The following EYS variants were observed in gnomAD, a reference collection of about 807,000 sequenced individuals.
The protein encoded by EYS is EGF-like photoreceptor maintenance factor.
In EYS, 250 loss-of-function variants were observed where a neutral mutation model predicts 282.1. The observed-to-expected ratio is 0.89, with a 90% CI of 0.80 to 0.98. The LOEUF (loss-of-function observed/expected upper bound fraction) is 0.98. Ranked by LOEUF, EYS falls within the 50% of genes least tolerant of loss-of-function variation. The pLI is 0.00. For synonymous variants in EYS, 1,355 were observed against 1,282.9 expected (o/e 1.06, Z -1.20); for missense variants, 4,016 against 3,709.0 (o/e 1.08, Z -2.15).
At chr6:65,481,767 T>C (rs1765614709) in intron 5 of EYS, among the ~76,000 whole-genome samples, 1 of 152,192 alleles carries the variant, frequency 6.6e-6, no homozygotes, top group African/African-American at 2.4e-5. Flanking sequence ...AGATGGGATT[T>C]CACTGTGTTA....
chr6:65,670,463 A>T (rs1401756937), intron 1 of EYS, among the ~76,000 whole-genome samples: 1 of 152,064 alleles, frequency 6.6e-6, no homozygotes, highest in Non-Finnish European at 1.5e-5. Flanking sequence ...ATATCATATT[A>T]AACTCTGTGT....
chr6:64,731,401 A>G (rs956342477), intron 22 of EYS, among the ~76,000 whole-genome samples: 1 of 152,224 alleles, frequency 6.6e-6, no homozygotes, highest in African/African-American at 2.4e-5. Flanking sequence ...ATGGGAAAAC[A>G]TTTTTGCAAT....
Position 65,280,864 on chromosome 6 carries a change from A to AT in EYS, c.2023+14998_2023+14999insA, listed in dbSNP as rs200494378. Among the ~76,000 whole-genome samples, 690 of 132,556 alleles carry AT rather than the reference A, an allele frequency of 5.2e-3. 3 individuals are homozygous for AT. Among genetic ancestry groups the AT allele is most frequent in the East Asian group, 0.014 (67 of 4,954 alleles). 87.0% of individuals were successfully genotyped at this position (132,556 alleles called of 152,430 possible). ...GAAACCCCGTCTGTACTAAAAAAAA[A>AT]AATATATATATATATATATAAATCA... is the stretch of plus-strand genomic sequence containing the variant. On this transcript the variant is annotated intron_variant, in intron 12 of 42. Transcript: ENST00000503581.
chr6:64,375,785 A>C (rs1772542530), intron 29 of EYS, among the ~76,000 whole-genome samples: 1 of 152,224 alleles, frequency 6.6e-6, no homozygotes, highest in Non-Finnish European at 1.5e-5. Context: ...AAGGAGACAG[A>C]CAAAAGCAAA....
intron 11 of EYS, among the ~76,000 whole-genome samples, chr6:65,317,266 T>C (rs1338059609): frequency 6.6e-6 from 1 of 152,226 alleles, no homozygotes; most frequent in Non-Finnish European, 1.5e-5. Context: ...TTAAATCTAT[T>C]CACTGATTAC....
intron 33 of EYS, among the ~76,000 whole-genome samples, chr6:64,058,486 T>G (rs754867858): frequency 2.0e-5 from 3 of 152,154 alleles, no homozygotes; most frequent in Non-Finnish European, 4.4e-5. Flanking sequence ...TAAGGAGAGC[T>G]AGGGGGACTA....
intron 15 of EYS, among the ~76,000 whole-genome samples, chr6:64,921,216 T>A (rs1768337572): frequency 6.6e-6 from 1 of 152,166 alleles, no homozygotes; most frequent in African/African-American, 2.4e-5. Flanking sequence ...AAATGTAACA[T>A]AAATTCAGTT....
intron 35 of EYS, among the ~76,000 whole-genome samples, chr6:63,885,073 T>C (rs1773229860): frequency 6.6e-6 from 1 of 152,192 alleles, no homozygotes; most frequent in Admixed American, 6.5e-5. Context: ...GAAGTGCAGG[T>C]TCTAAATGGA....
intron 26 of EYS, among the ~76,000 whole-genome samples, chr6:64,524,438 T>C (rs1700517942): frequency 6.6e-6 from 1 of 151,876 alleles, no homozygotes; most frequent in South Asian, 2.1e-4. Flanking sequence ...CTATTTCCTC[T>C]GTAGATAGTT....
At chr6:64,813,131 A>G (rs910652996) in intron 22 of EYS, among the ~76,000 whole-genome samples, 1 of 151,458 alleles carries the variant, frequency 6.6e-6, no homozygotes, top group African/African-American at 2.4e-5. Context: ...AGATAAAAAA[A>G]CAATGATAAA....
intron 35 of EYS, among the ~76,000 whole-genome samples, chr6:63,921,877 A>G (rs1241394382): frequency 6.6e-6 from 1 of 152,240 alleles, no homozygotes; most frequent in Admixed American, 6.5e-5. Context: ...TACCAAAGAC[A>G]AAAAATGGCA....
rs141446603 is a variant in EYS at position 64,329,594 on chromosome 6, C to T, written c.6079-22512G>A. Among the ~76,000 whole-genome samples, 88 of 152,090 alleles carry T rather than the reference C, an allele frequency of 5.8e-4. 1 individual carries two copies. The highest frequency in any genetic ancestry group is 1.6e-3 in the African/African-American group (68 of 41,482). On this transcript the variant is annotated intron_variant, in intron 29 of 42. Coordinates refer to ENST00000503581, the MANE Select transcript of EYS (RefSeq NM_001142800.2). Reference sequence around the variant, plus strand: ...CGGGGCTAGCCATAAATCAGGCACCCGTAGTGGTGGAACTGCTGTGGGGCA... The same window carrying T: ...CGGGGCTAGCCATAAATCAGGCACCTGTAGTGGTGGAACTGCTGTGGGGCA...
At chr6:64,636,287 A>G (rs1340821408) in intron 22 of EYS, among the ~76,000 whole-genome samples, 3 of 152,218 alleles carry the variant, frequency 2.0e-5, no homozygotes, top group East Asian at 1.9e-4. Flanking sequence ...ATAATGCCAC[A>G]TATCTACAAC....
intron 12 of EYS, among the ~76,000 whole-genome samples, chr6:65,171,720 G>C (rs1458067979): frequency 6.6e-6 from 1 of 151,306 alleles, no homozygotes; most frequent in Non-Finnish European, 1.5e-5. Context: ...TATATGCATT[G>C]TTCATTCTAC....
At chr6:64,668,308 A>AT (rs1479853635) in intron 22 of EYS, among the ~76,000 whole-genome samples, 2 of 152,302 alleles carry the variant, frequency 1.3e-5, no homozygotes, top group African/African-American at 4.8e-5. Context: ...TCATGATAAC[A>AT]TTTTGTGTTG....
chr6:64,112,359 TG>T (rs1353501563), intron 31 of EYS, among the ~76,000 whole-genome samples: 1 of 152,096 alleles, frequency 6.6e-6, no homozygotes, highest in Non-Finnish European at 1.5e-5. Context: ...AAGCAGCGAC[TG>T]GGTGGTGGAC....
chr6:65,538,744 T>C (rs1192568470), intron 2 of EYS, among the ~76,000 whole-genome samples: 1 of 152,098 alleles, frequency 6.6e-6, no homozygotes, highest in Admixed American at 6.6e-5. Flanking sequence ...TTGAAACCCT[T>C]CCATGACTCC....
chr6:64,217,318 C>G (rs1479915442), intron 31 of EYS, among the ~76,000 whole-genome samples: 1 of 152,086 alleles, frequency 6.6e-6, no homozygotes, highest in Non-Finnish European at 1.5e-5. Flanking sequence ...CACCTGAGGT[C>G]AGGAGTTTGA....
chr6:65,181,157 C>T (rs572631316), intron 12 of EYS, among the ~76,000 whole-genome samples: 1 of 152,252 alleles, frequency 6.6e-6, no homozygotes, highest in South Asian at 2.1e-4. Flanking sequence ...GCAAGGACTT[C>T]ATGTCCAAAA....
Sources: allele counts gnomAD v4.1 joint callset (sites outside exome capture counted in the v4.1 genomes callset), GRCh38; gene constraint gnomAD v4.1.1; transcripts MANE v1.5; gene names NCBI Gene and HGNC (gene_info 2026-07-23, HGNC 2026-07-21).